CNGB3: variants seen among roughly 807,000 people sequenced by gnomAD.
CNGB3 encodes cyclic nucleotide gated channel subunit beta 3, also known as cyclic nucleotide-gated channel beta-3.
CNGB3 carries 86 observed loss-of-function variants against 92.8 expected under a neutral mutation model. The ratio of observed to expected loss-of-function variants is 0.93; its 90% CI spans 0.78 to 1.11. CNGB3 has a LOEUF of 1.11. Among genes scored for constraint, CNGB3 ranks in the 50% least tolerant of loss-of-function variants. The pLI is 0.00. For missense variants in CNGB3, 1,026 were observed against 956.8 expected, an observed-to-expected ratio of 1.07 and a Z score of -0.95; for synonymous variants, 333 against 332.7, an observed-to-expected ratio of 1.00 and a Z score of -0.01.
chr8:86,611,367 C>T (rs1038890088), intron 14 of CNGB3, among the ~76,000 whole-genome samples: 1 of 152,064 alleles, frequency 6.6e-6, no homozygotes, highest in Admixed American at 6.6e-5. Flanking sequence ...CTCAGACTAC[C>T]CACACTTCTA....
intron 2 of CNGB3, among the ~76,000 whole-genome samples, chr8:86,729,303 T>A (rs1288298307): frequency 6.6e-6 from 1 of 152,236 alleles, no homozygotes; most frequent in African/African-American, 2.4e-5. Flanking sequence ...TATTAACTTT[T>A]CTGCTAGTAC....
intron 6 of CNGB3, chr8:86,659,170 A>G: frequency 1.4e-6 from 1 of 710,648 alleles, no homozygotes; most frequent in South Asian, 1.6e-5. Context: ...TCCTCCCTCA[A>G]TGTGTGCACC....
chr8:86,644,349 A>G (rs1823252724), intron 9 of CNGB3, among the ~76,000 whole-genome samples: 1 of 151,430 alleles, frequency 6.6e-6, no homozygotes, highest in Non-Finnish European at 1.5e-5. Context: ...TTAACTTGCA[A>G]AAGAGTATGT....
At chr8:86,646,748 G>A (rs1281980862) in intron 8 of CNGB3, among the ~76,000 whole-genome samples, 1 of 150,822 alleles carries the variant, frequency 6.6e-6, no homozygotes, top group African/African-American at 2.4e-5. Flanking sequence ...GGTTGTTTTT[G>A]GAAATATATT....
intron 9 of CNGB3, 78 bp from the exon 10 acceptor site, chr8:86,643,951 A>T: frequency 6.6e-7 from 1 of 1,518,368 alleles, no homozygotes; most frequent in Non-Finnish European, 9.0e-7. Flanking sequence ...TCTTTTCCTT[A>T]AAGTCACCAG....
intron 15 of CNGB3, among the ~76,000 whole-genome samples, chr8:86,595,768 A>G (rs13248879): frequency 0.087 from 13,189 of 152,242 alleles, 1,269 homozygotes; most frequent in Admixed American, 0.3. Flanking sequence ...CAAAGACCTA[A>G]AAGTCTCCTC....
chr8:86,720,746 C>A (rs1412169710), intron 3 of CNGB3, among the ~76,000 whole-genome samples: 4 of 150,482 alleles, frequency 2.7e-5, no homozygotes, highest in Non-Finnish European at 5.9e-5. Context: ...TGGAACCAAC[C>A]CAAATGCTTG....
intron 15 of CNGB3, among the ~76,000 whole-genome samples, chr8:86,597,107 C>T (rs906280027): frequency 2.0e-5 from 3 of 152,116 alleles, no homozygotes; most frequent in South Asian, 2.1e-4. Context: ...ACCAACATGG[C>T]ACATGTATAC....
intron 4 of CNGB3, among the ~76,000 whole-genome samples, chr8:86,669,825 G>A (rs959286372): frequency 4.0e-5 from 6 of 151,762 alleles, no homozygotes. Flanking sequence ...TGTAATCACA[G>A]TATGTATTAC....
chr8:86,620,411 C>T (rs918086317), intron 13 of CNGB3, among the ~76,000 whole-genome samples: 4 of 152,062 alleles, frequency 2.6e-5, no homozygotes, highest in Non-Finnish European at 4.4e-5. Context: ...CTCACTGTGT[C>T]GTTACATGGC....
intron 3 of CNGB3, among the ~76,000 whole-genome samples, chr8:86,694,056 GCGGC>G: frequency 1.8e-5 from 2 of 110,042 alleles, no homozygotes; most frequent in South Asian, 3.5e-4. Flanking sequence ...CCCGGACGGG[GCGGC>G]TGGCCGGGCG....
chr8:86,669,911 C>T (rs971456915), intron 4 of CNGB3, among the ~76,000 whole-genome samples: 6 of 151,316 alleles, frequency 4.0e-5, no homozygotes, highest in Admixed American at 6.6e-5. Flanking sequence ...AGTGCAGTGG[C>T]GCAATCTTGG....
intron 13 of CNGB3, among the ~76,000 whole-genome samples, chr8:86,622,095 G>T (rs569366397): frequency 6.6e-6 from 1 of 152,166 alleles, no homozygotes; most frequent in Non-Finnish European, 1.5e-5. Context: ...ACTCCAAGTT[G>T]CTGCAAATGC....
intron 15 of CNGB3, among the ~76,000 whole-genome samples, chr8:86,597,350 T>C (rs1048925686): frequency 2.0e-5 from 3 of 152,162 alleles, no homozygotes; most frequent in African/African-American, 7.2e-5. Flanking sequence ...GACATTCTGG[T>C]GCAGAGAACA....
intron 14 of CNGB3, among the ~76,000 whole-genome samples, chr8:86,606,835 G>A (rs1585965759): frequency 6.6e-6 from 1 of 152,130 alleles, no homozygotes; most frequent in East Asian, 1.9e-4. Context: ...AGAACTAGCA[G>A]CACCTATGTC....
intron 2 of CNGB3, among the ~76,000 whole-genome samples, chr8:86,737,726 C>G (rs1159925670): frequency 6.6e-6 from 1 of 152,104 alleles, no homozygotes; most frequent in Non-Finnish European, 1.5e-5. Context: ...TCTAGCCTCA[C>G]CCTTCTCCCA....
intron 15 of CNGB3, among the ~76,000 whole-genome samples, chr8:86,602,486 T>C (rs1297934328): frequency 6.6e-6 from 1 of 152,160 alleles, no homozygotes; most frequent in Non-Finnish European, 1.5e-5. Context: ...ATTTCTTCTG[T>C]GACGTGGTAT....
chr8:86,638,565 A>G (rs1450585523), intron 10 of CNGB3, among the ~76,000 whole-genome samples: 1 of 152,120 alleles, frequency 6.6e-6, no homozygotes, highest in Non-Finnish European at 1.5e-5. Flanking sequence ...ACTGGAAGCA[A>G]TGGCTATGAG....
intron 6 of CNGB3, chr8:86,658,454 C>A (rs936894394): frequency 5.4e-5 from 22 of 410,448 alleles, no homozygotes; most frequent in African/African-American, 4.2e-4. Flanking sequence ...TCTCCTGCAA[C>A]CCTTGGCAGG....
Sources: gnomAD v4.1 joint callset for allele counts (sites outside exome capture counted in the v4.1 genomes callset) on GRCh38, gnomAD v4.1.1 for gene constraint, MANE v1.5 for transcripts, NCBI Gene and HGNC (gene_info 2026-07-23, HGNC 2026-07-21) for gene names.